PRMT3: variants seen among roughly 807,000 people sequenced by gnomAD.
The protein encoded by PRMT3 is protein arginine methyltransferase 3.
PRMT3 carries 62 observed loss-of-function variants against 71.9 expected under a neutral mutation model. The ratio of observed to expected loss-of-function variants is 0.86; its 90% CI spans 0.70 to 1.07. PRMT3 has a LOEUF of 1.07. Among genes scored for constraint, PRMT3 ranks in the 50% least tolerant of loss-of-function variants. PRMT3 has a pLI of 0.00. For synonymous variants in PRMT3, 213 were observed against 220.4 expected (o/e 0.97, Z 0.30); for missense variants, 663 against 643.0 (o/e 1.03, Z -0.34).
chr11:20,417,019 TC>T (rs1443353404), intron 9 of PRMT3, among the ~76,000 whole-genome samples: 25 of 152,310 alleles, frequency 1.6e-4, no homozygotes, highest in South Asian at 1.4e-3. Context: ...CCTTTATCAC[TC>T]CCACTTTGTA....
At position 20,446,315 on chromosome 11, in the gene PRMT3, A is replaced by G. The variant is rs1004348986; in HGVS notation, c.994-5815A>G. Reference sequence around the variant, plus strand: ...ATTTTTTGTCTTATGAAGTAATTGTATATAATTATTTTGCCCATTTTTCTT... The same window carrying G: ...ATTTTTTGTCTTATGAAGTAATTGTGTATAATTATTTTGCCCATTTTTCTT... On this transcript the variant is annotated intron_variant, in intron 10 of 15. Coordinates refer to ENST00000331079, the MANE Select transcript of PRMT3 (RefSeq NM_005788.4). Among the ~76,000 whole-genome samples, 7 of 150,914 alleles carry G rather than the reference A, an allele frequency of 4.6e-5. No homozygotes were observed. In the South Asian group the frequency reaches 1.5e-3, roughly 32 times the overall value.
intron 9 of PRMT3, among the ~76,000 whole-genome samples, chr11:20,411,028 A>T (rs1009124552): frequency 6.6e-6 from 1 of 152,132 alleles, no homozygotes; most frequent in Non-Finnish European, 1.5e-5. Context: ...TGTTTTTGAG[A>T]TAACTTAAAG....
chr11:20,433,739 G>A lies in PRMT3; in HGVS notation c.993+6874G>A, dbSNP rs370559197. Reference sequence around the variant, plus strand: ...AGGTTCAAGCAATTCTCCAACCTCGGCCTCCAGAGTAGCTGGGACTACAGA... The same window carrying A: ...AGGTTCAAGCAATTCTCCAACCTCGACCTCCAGAGTAGCTGGGACTACAGA... On this transcript the variant is annotated intron_variant, in intron 10 of 15. Coordinates refer to ENST00000331079, the MANE Select transcript of PRMT3 (RefSeq NM_005788.4). Among the ~76,000 whole-genome samples, 5 of 152,032 alleles carry A rather than the reference G, an allele frequency of 3.3e-5. No homozygotes were observed. The East Asian group carries it at 9.6e-4, about 29-fold the overall frequency.
At chr11:20,429,981 A>G (rs1406951698) in intron 10 of PRMT3, among the ~76,000 whole-genome samples, 1 of 152,234 alleles carries the variant, frequency 6.6e-6, no homozygotes, top group South Asian at 2.1e-4. Flanking sequence ...GAAAACATCA[A>G]TTACATAATT....
intron 15 of PRMT3, among the ~76,000 whole-genome samples, chr11:20,505,552 C>T (rs749092163): frequency 1.3e-5 from 2 of 152,284 alleles, no homozygotes; most frequent in Non-Finnish European, 2.9e-5. Context: ...AATTACTATT[C>T]TCTGTCATGT....
intron 13 of PRMT3, among the ~76,000 whole-genome samples, chr11:20,480,630 G>A (rs1272746934): frequency 6.6e-6 from 1 of 152,144 alleles, no homozygotes; most frequent in Non-Finnish European, 1.5e-5. Context: ...CAGAGTGGAT[G>A]TGGGAGGCCA....
chr11:20,396,188 C>T (rs2133302897), intron 6 of PRMT3, among the ~76,000 whole-genome samples: 1 of 152,230 alleles, frequency 6.6e-6, no homozygotes, highest in South Asian at 2.1e-4. Flanking sequence ...CAAATGTTGT[C>T]CTCATGAATG....
intron 5 of PRMT3, chr11:20,393,845 A>G (rs905271444): frequency 3.3e-5 from 5 of 152,262 alleles, no homozygotes; most frequent in African/African-American, 7.2e-5. Context: ...AAATCAAAAT[A>G]CAAAATGAGG....
At chr11:20,419,266 C>T (rs1001793225) in intron 9 of PRMT3, among the ~76,000 whole-genome samples, 7 of 152,126 alleles carry the variant, frequency 4.6e-5, no homozygotes, top group Non-Finnish European at 8.8e-5. Context: ...AAACTGAGCA[C>T]CTTTTCATGT....
At position 20,402,299 on chromosome 11, in the gene PRMT3, A is replaced by G. The variant is rs184857878; in HGVS notation, c.706-620A>G. ...CACACCCGACTAATTTTGTATTTTTAGTAGAGACAGGGTTACTCCATGTTG... is the reference window on the plus strand; with the variant it reads ...CACACCCGACTAATTTTGTATTTTTGGTAGAGACAGGGTTACTCCATGTTG... On this transcript the variant is annotated intron_variant, in intron 7 of 15. Transcript: ENST00000331079. Among the ~76,000 whole-genome samples the G allele has an allele frequency of 4.7e-4, 71 of 152,176 alleles. No individual in the cohort carries two copies. The East Asian group carries it at 0.013, about 29-fold the overall frequency.
intron 9 of PRMT3, among the ~76,000 whole-genome samples, chr11:20,416,548 A>G (rs759411319): frequency 1.4e-4 from 21 of 152,212 alleles, no homozygotes; most frequent in South Asian, 4.1e-4. Flanking sequence ...GAATTAATCA[A>G]TTTTCAAGAT....
At chr11:20,438,617 G>T (rs1157380344) in intron 10 of PRMT3, among the ~76,000 whole-genome samples, 4 of 152,142 alleles carry the variant, frequency 2.6e-5, no homozygotes, top group African/African-American at 9.7e-5. Context: ...GCCCTGGGAT[G>T]CACAGATGCT....
chr11:20,504,073 G>A (rs1251465275), intron 15 of PRMT3, among the ~76,000 whole-genome samples: 1 of 152,108 alleles, frequency 6.6e-6, no homozygotes, highest in Non-Finnish European at 1.5e-5. Context: ...ATGTGATGTT[G>A]GGCATTGTTT....
chr11:20,430,347 A>G lies in PRMT3; in HGVS notation c.993+3482A>G, dbSNP rs901463044. Among the ~76,000 whole-genome samples the G allele has an allele frequency of 3.3e-5, 5 of 152,160 alleles. No individual in the cohort carries two copies. In the South Asian group the frequency reaches 6.2e-4, roughly 19 times the overall value. On this transcript the variant is annotated intron_variant, in intron 10 of 15. Transcript: ENST00000331079. ...TAGAAATCATATAGCAGAGATGTACATGTTTTCTTCTACTGTGGTCCACTA... is the reference window on the plus strand; with the variant it reads ...TAGAAATCATATAGCAGAGATGTACGTGTTTTCTTCTACTGTGGTCCACTA...
intron 13 of PRMT3, among the ~76,000 whole-genome samples, chr11:20,468,813 T>TTAGA (rs1264602707): frequency 1.3e-5 from 2 of 152,214 alleles, no homozygotes; most frequent in African/African-American, 4.8e-5. Context: ...GATAATGCTT[T>TTAGA]TAGATAGCTT....
At chr11:20,446,870 A>G (rs748452093) in intron 10 of PRMT3, among the ~76,000 whole-genome samples, 12 of 152,174 alleles carry the variant, frequency 7.9e-5, no homozygotes, top group East Asian at 1.9e-4. Context: ...TATTTTGCCA[A>G]GTGCCTAACA....
chr11:20,465,933 T>C (rs1219846498), intron 13 of PRMT3, among the ~76,000 whole-genome samples: 1 of 152,146 alleles, frequency 6.6e-6, no homozygotes, highest in Non-Finnish European at 1.5e-5. Flanking sequence ...TCTTGATTAA[T>C]GAAAATTGAT....
chr11:20,504,670 A>T (rs1851536302), intron 15 of PRMT3, among the ~76,000 whole-genome samples: 1 of 149,894 alleles, frequency 6.7e-6, no homozygotes, highest in Non-Finnish European at 1.5e-5. Context: ...ATATTGTTAC[A>T]TTTATCTCAA....
At chr11:20,491,915 T>C (rs1479096779) in intron 13 of PRMT3, among the ~76,000 whole-genome samples, 4 of 152,206 alleles carry the variant, frequency 2.6e-5, no homozygotes, top group African/African-American at 9.6e-5. Flanking sequence ...AGTTAAAAAT[T>C]ATTAGTTCCA....
Sources: gnomAD v4.1 joint callset for allele counts (sites outside exome capture counted in the v4.1 genomes callset) on GRCh38, gnomAD v4.1.1 for gene constraint, MANE v1.5 for transcripts, NCBI Gene and HGNC (gene_info 2026-07-23, HGNC 2026-07-21) for gene names.